DOCK1: variants seen among roughly 807,000 people sequenced by gnomAD.
The protein encoded by DOCK1 is dedicator of cytokinesis protein 1.
In DOCK1, 138 loss-of-function variants were observed where a neutral mutation model predicts 262.7. The observed-to-expected ratio is 0.53, with a 90% CI of 0.46 to 0.61. The LOEUF is 0.61. Among genes scored for constraint, DOCK1 ranks in the 20% least tolerant of loss-of-function variants. DOCK1 has a pLI of 0.00. For missense variants in DOCK1, 1,908 were observed against 2,370.7 expected (o/e 0.80, Z 4.05); for synonymous variants, 866 against 867.4 (o/e 1.00, Z 0.03).
intron 27 of DOCK1, among the ~76,000 whole-genome samples, chr10:127,153,241 A>C (rs1339766382): frequency 1.3e-5 from 2 of 152,228 alleles, no homozygotes; most frequent in African/African-American, 4.8e-5. Flanking sequence ...TATATCTTAA[A>C]ATCCTAAATT....
At chr10:126,942,080 A>G (rs957407675) in intron 1 of DOCK1, among the ~76,000 whole-genome samples, 2 of 151,662 alleles carry the variant, frequency 1.3e-5, no homozygotes, top group Non-Finnish European at 2.9e-5. Context: ...GCTGGAGTGC[A>G]GTGGCACGAT....
chr10:127,393,148 A>G (rs1462611175), intron 38 of DOCK1, among the ~76,000 whole-genome samples: 2 of 152,152 alleles, frequency 1.3e-5, no homozygotes, highest in Non-Finnish European at 2.9e-5. Flanking sequence ...TCGATCTTAC[A>G]TGTATTTCAT....
At chr10:127,186,449 C>A (rs966586208) in intron 27 of DOCK1, among the ~76,000 whole-genome samples, 1 of 139,254 alleles carries the variant, frequency 7.2e-6, no homozygotes, top group African/African-American at 2.6e-5. Flanking sequence ...ATCCGATAGA[C>A]AACCATCAGA....
intron 29 of DOCK1, among the ~76,000 whole-genome samples, chr10:127,333,431 C>G (rs929742433): frequency 2.0e-5 from 3 of 152,170 alleles, no homozygotes; most frequent in Non-Finnish European, 4.4e-5. Flanking sequence ...AAGCAAGGGC[C>G]TATAATTGTG....
intron 1 of DOCK1, among the ~76,000 whole-genome samples, chr10:126,920,324 T>G (rs1032102884): frequency 2.0e-5 from 3 of 152,234 alleles, no homozygotes; most frequent in Admixed American, 2.0e-4. Flanking sequence ...ACTTTCCTAG[T>G]CCCCTTGTTG....
At chr10:127,159,400 C>G (rs569508186) in intron 27 of DOCK1, among the ~76,000 whole-genome samples, 1 of 152,074 alleles carries the variant, frequency 6.6e-6, no homozygotes, top group Non-Finnish European at 1.5e-5. Context: ...TTATAATAAT[C>G]GGCTCTAATT....
chr10:127,311,253 C>T (rs1343460942), intron 29 of DOCK1, among the ~76,000 whole-genome samples: 1 of 152,170 alleles, frequency 6.6e-6, no homozygotes, highest in Non-Finnish European at 1.5e-5. Context: ...ATTCATCCTG[C>T]AGAAGGAACC....
At chr10:126,969,574 G>A (rs906117768) in intron 1 of DOCK1, among the ~76,000 whole-genome samples, 1 of 152,182 alleles carries the variant, frequency 6.6e-6, no homozygotes, top group Non-Finnish European at 1.5e-5. Context: ...GAAGCTTTGC[G>A]TGGTGCCAGG....
intron 23 of DOCK1, among the ~76,000 whole-genome samples, chr10:127,064,702 C>T (rs1446850714): frequency 2.0e-5 from 3 of 152,146 alleles, no homozygotes; most frequent in Non-Finnish European, 4.4e-5. Context: ...AGTGAATGGC[C>T]CTCAGCCCTG....
chr10:126,949,433 CTATACATGGCAGTCCAAAGTGGG>C (rs2035978718), intron 1 of DOCK1, among the ~76,000 whole-genome samples: 1 of 152,122 alleles, frequency 6.6e-6, no homozygotes, highest in Non-Finnish European at 1.5e-5. Flanking sequence ...CACCTACCAA[CTATACATGGCAGTCCAAAGTGGG>C]TAGGTGTGTG....
chr10:127,424,563 G>A (rs905806124), intron 46 of DOCK1, among the ~76,000 whole-genome samples: 1 of 152,030 alleles, frequency 6.6e-6, no homozygotes, highest in African/African-American at 2.4e-5. Context: ...CAACACATTC[G>A]ACATCCCACC....
chr10:127,076,886 G>A (rs2046594038), intron 23 of DOCK1, among the ~76,000 whole-genome samples: 1 of 152,146 alleles, frequency 6.6e-6, no homozygotes, highest in Non-Finnish European at 1.5e-5. Context: ...GAATTCTTAA[G>A]CACCTCTGGC....
chr10:127,374,620 T>G (rs2065385110), intron 35 of DOCK1, among the ~76,000 whole-genome samples: 1 of 152,092 alleles, frequency 6.6e-6, no homozygotes, highest in Non-Finnish European at 1.5e-5. Context: ...GAGACCTTAT[T>G]TGGAAACAAG....
chr10:127,204,216 T>G (rs2134260233), intron 27 of DOCK1, among the ~76,000 whole-genome samples: 1 of 152,284 alleles, frequency 6.6e-6, no homozygotes, highest in South Asian at 2.1e-4. Context: ...CCTACAGAGC[T>G]TTTTCCCATT....
intron 1 of DOCK1, among the ~76,000 whole-genome samples, chr10:126,965,758 T>C (rs1341233739): frequency 1.3e-5 from 2 of 152,186 alleles, no homozygotes; most frequent in African/African-American, 2.4e-5. Context: ...TCTGCATCAG[T>C]TGAGATGATA....
At position 127,012,299 on chromosome 10, in the gene DOCK1, G is replaced by A; in HGVS notation, c.1126G>A (p.Ala376Thr). 6.2e-7 allele frequency: 1 copy of A among 1,614,020 alleles called. No individual in the cohort carries two copies. ...GTCATCCCGTTTTTCACCCAGGGTG[G>A]CAGGGGAGAATGACTTCCTTCAGAC... is the stretch of plus-strand genomic sequence containing the variant. ...NMSSRFSPRV[A>T]GENDFLQTVI... The change falls in exon 12 of 52, where the codon GCA becomes ACA. Residue 376 changes from alanine (A) to threonine (T), a missense_variant. This residue lies in a region of DOCK1 where 57 missense variants were observed against 39.7 expected (regional missense o/e 1.44). Transcript: ENST00000623213. This position sits in a 1 kb window ranked among gnomAD's most constrained non-coding sequence, Gnocchi z 4.0.
At chr10:127,377,903 A>G (rs1590783947) in intron 35 of DOCK1, among the ~76,000 whole-genome samples, 1 of 151,722 alleles carries the variant, frequency 6.6e-6, no homozygotes, top group Non-Finnish European at 1.5e-5. Context: ...AAAAAAAAAA[A>G]AAAAAAGAAG....
chr10:127,054,993 C>T (rs924611090), intron 22 of DOCK1, among the ~76,000 whole-genome samples: 3 of 152,180 alleles, frequency 2.0e-5, no homozygotes, highest in Admixed American at 2.0e-4. Context: ...AATTATTTCT[C>T]TGCCTCGTTC....
intron 48 of DOCK1, among the ~76,000 whole-genome samples, chr10:127,438,263 T>A (rs780068815): frequency 6.6e-6 from 1 of 152,244 alleles, no homozygotes; most frequent in African/African-American, 2.4e-5. Context: ...TGGATATGCT[T>A]GCACACTAAC....
Sources: gnomAD v4.1 joint callset for allele counts (sites outside exome capture counted in the v4.1 genomes callset) on GRCh38, gnomAD v4.1.1 for gene constraint, gnomAD v4.1.1 regional missense constraint, Gnocchi (gnomAD v3.1) non-coding constraint, MANE v1.5 for transcripts, NCBI Gene and HGNC (gene_info 2026-07-23, HGNC 2026-07-21) for gene names.